BACH1: variants seen among roughly 807,000 people sequenced by gnomAD.
BACH1 encodes transcription regulator protein BACH1.
In BACH1, 35 loss-of-function variants were observed where a neutral mutation model predicts 52.9. The ratio of observed to expected loss-of-function variants is 0.66; its 90% CI spans 0.51 to 0.88. The LOEUF (loss-of-function observed/expected upper bound fraction) is 0.88. Ranked by LOEUF, BACH1 falls within the 40% of genes least tolerant of loss-of-function variation. The pLI is 0.00. For synonymous variants in BACH1, 321 were observed against 319.6 expected, an observed-to-expected ratio of 1.00 and a Z score of -0.05; for missense variants, 808 against 872.6, an observed-to-expected ratio of 0.93 and a Z score of 0.93.
At chr21:29,358,741 GAAAAA>G (rs1261919747) in intron 2 of BACH1, among the ~76,000 whole-genome samples, 5 of 77,582 alleles carry the variant, frequency 6.4e-5, no homozygotes, top group African/African-American at 2.4e-4. Flanking sequence ...CTCTGTCTCA[GAAAAA>G]AAGAAAAGAA....
chr21:29,341,655 C>A (rs549142520), intron 4 of BACH1, among the ~76,000 whole-genome samples: 1 of 152,136 alleles, frequency 6.6e-6, no homozygotes, highest in East Asian at 1.9e-4. Context: ...CACAAAATTA[C>A]CCCCCCGAAT....
chr21:29,312,878 A>G (rs1457443368), intron 1 of BACH1, among the ~76,000 whole-genome samples: 1 of 152,202 alleles, frequency 6.6e-6, no homozygotes, highest in Non-Finnish European at 1.5e-5. Context: ...GAATTCAACT[A>G]GCTCTTACAG....
chr21:29,332,719 T>A (rs915550614), intron 4 of BACH1, among the ~76,000 whole-genome samples: 14 of 152,216 alleles, frequency 9.2e-5, no homozygotes, highest in African/African-American at 3.1e-4. Flanking sequence ...CCTGAATAAT[T>A]TCACTCTCTC....
rs573436196 is a variant in BACH1 at position 29,357,426 on chromosome 21, G to C, written c.472+27733G>C. Among the ~76,000 whole-genome samples, 4 of 152,294 alleles carry C rather than the reference G, an allele frequency of 2.6e-5. No individual in the cohort carries two copies. In the East Asian group the frequency reaches 7.7e-4, roughly 29 times the overall value. ...TTCCCCATCCTCTGGGAGAAAAGTGGCAGGGTTGAGGGCCACGCATGTACA... is the reference window on the plus strand; with the variant it reads ...TTCCCCATCCTCTGGGAGAAAAGTGCCAGGGTTGAGGGCCACGCATGTACA... On this transcript the variant is annotated intron_variant, in intron 2 of 4. Coordinates refer to the BACH1 transcript ENST00000422809.
chr21:29,347,613 A>ATC (rs1264593652), downstream of BACH1, among the ~76,000 whole-genome samples: 12 of 152,204 alleles, frequency 7.9e-5, no homozygotes, highest in South Asian at 4.1e-4. Context: ...GGAGGAGAGC[A>ATC]TCTGTTCCAG....
chr21:29,355,712 A>G (rs2089229903), intron 2 of BACH1, among the ~76,000 whole-genome samples: 1 of 152,186 alleles, frequency 6.6e-6, no homozygotes, highest in African/African-American at 2.4e-5. Flanking sequence ...ATTCTAGAGG[A>G]AACAGATTTG....
chr21:29,323,255 T>C (rs2123439903), intron 2 of BACH1, among the ~76,000 whole-genome samples: 1 of 152,262 alleles, frequency 6.6e-6, no homozygotes, highest in South Asian at 2.1e-4. Flanking sequence ...GCTCACATGT[T>C]CACAAGGTGA....
In BACH1 at chr21:29,345,717, T is replaced by TG. The variant is rs1276736593; in HGVS notation, c.*2887dup. Reference sequence around the variant, plus strand: ...TGGACACTCAGTCACATTAACAACTTGGGAAAAAAATGGCAATGTTACGGT... The same window carrying TG: ...TGGACACTCAGTCACATTAACAACTTGGGGAAAAAAATGGCAATGTTACGGT... On this transcript the variant is annotated 3_prime_UTR_variant, in exon 5 of 5. Coordinates refer to ENST00000286800, the MANE Select transcript of BACH1 (RefSeq NM_001186.4). 2.6e-5 allele frequency: 4 copies of TG among 152,548 alleles called. No individual in the cohort carries two copies. The highest frequency in any genetic ancestry group is 5.9e-5 in the Non-Finnish European group (4 of 67,992). The allele number at this position is 152,548 out of a possible 1,614,324, so 9.4% of individuals were successfully genotyped here.
At chr21:29,332,176 C>T (rs1248133085) in intron 4 of BACH1, among the ~76,000 whole-genome samples, 3 of 152,104 alleles carry the variant, frequency 2.0e-5, no homozygotes, top group African/African-American at 4.8e-5. Context: ...CCTCGTGATC[C>T]GCCCGCCTCA....
intron 2 of BACH1, among the ~76,000 whole-genome samples, chr21:29,355,647 A>G (rs1041001586): frequency 6.6e-6 from 1 of 152,208 alleles, no homozygotes; most frequent in Non-Finnish European, 1.5e-5. Context: ...AGAAGTTGTT[A>G]GTTTAGCTCA....
chr21:29,316,484 C>T (rs2088788286), intron 1 of BACH1, among the ~76,000 whole-genome samples: 1 of 152,110 alleles, frequency 6.6e-6, no homozygotes, highest in Non-Finnish European at 1.5e-5. Context: ...AGGCGTAACA[C>T]AGGAGTCCAA....
chr21:29,310,796 C>T lies in BACH1; in HGVS notation c.-60-10425C>T, dbSNP rs947315707. On this transcript the variant is annotated intron_variant, in intron 1 of 4. Transcript: ENST00000286800. ...GTTGAGCTTCACTAAATGGTTTCCA[C>T]GGAGTGGAGGGGAAAAGGCTTGTTT... 8.5e-5 allele frequency among the ~76,000 whole-genome samples: 13 copies of T among 152,248 alleles called. No individual in the cohort carries two copies. The South Asian group carries it at 1.5e-3, about 17-fold the overall frequency.
Position 29,302,306 on chromosome 21 carries a change from C to T in BACH1, c.-61+3353C>T, listed in dbSNP as rs533600150. Among the ~76,000 whole-genome samples, 3 of 152,294 alleles carry T rather than the reference C, an allele frequency of 2.0e-5. No homozygotes were observed. The South Asian group carries it at 6.2e-4, about 32-fold the overall frequency. On this transcript the variant is annotated intron_variant, in intron 1 of 4. Coordinates refer to ENST00000286800, the MANE Select transcript of BACH1 (RefSeq NM_001186.4). The stretch of plus-strand genomic sequence containing the variant: ...GTGCAATTCGCCAGAATCCGTGCCC[C>T]TTGGAGGGAGTAAACATTTCAGGAC...
Position 29,344,111 on chromosome 21 carries a change from A to G in BACH1, c.*1278A>G, listed in dbSNP as rs2089144343. 6.6e-6 allele frequency: 1 copy of G among 152,260 alleles called. No homozygotes were observed. The highest frequency in any genetic ancestry group is 2.4e-5 in the African/African-American group (1 of 41,474). 9.4% of individuals were successfully genotyped at this position (152,260 alleles called of 1,614,324 possible). On this transcript the variant is annotated 3_prime_UTR_variant, in exon 5 of 5. Transcript: ENST00000286800. ...TAACATTTTGCGGTGGCTTTTAGCC[A>G]TGCTGGGGTTAGATGTGTTTGAGAG...
chr21:29,358,641 G>A (rs1475740709), intron 2 of BACH1, among the ~76,000 whole-genome samples: 1 of 152,062 alleles, frequency 6.6e-6, no homozygotes, highest in Non-Finnish European at 1.5e-5. Flanking sequence ...TGGGGAGGCT[G>A]AGGCAGGAGG....
At position 29,327,392 on chromosome 21, in the gene BACH1, A is replaced by T; in HGVS notation, c.1568A>T (p.Glu523Val). 6.2e-7 allele frequency: 1 copy of T among 1,610,774 alleles called. No homozygotes were observed. Among genetic ancestry groups the T allele is most frequent in the Non-Finnish European group, 8.5e-7 (1 of 1,178,132 alleles). Residue 523 changes from glutamate (E) to valine (V), a missense_variant and splice_region_variant, in exon 3 of 5, where the codon GAG becomes GTG. Glu to Val is a moderately radical substitution (Grantham distance 121). Coordinates refer to ENST00000286800, the MANE Select transcript of BACH1 (RefSeq NM_001186.4). ...TGTTCAGCCAGAGAACAAGAATGTG[A>T]GGTGAGCAGGAATATGTTCTTAATT... is the stretch of plus-strand genomic sequence containing the variant. ...ESCSAREQECEVKLPFNAQRI... is the reference protein window; with the variant it reads ...ESCSAREQECVVKLPFNAQRI...
chr21:29,322,546 T>C (rs569323590), intron 2 of BACH1, among the ~76,000 whole-genome samples: 144 of 152,270 alleles, frequency 9.5e-4, no homozygotes, highest in African/African-American at 3.3e-3. Context: ...ATCCCTTGCT[T>C]TAGTTAGTAA....
At position 29,321,410 on chromosome 21, in the gene BACH1, CG is replaced by C. The variant is rs1323599726; in HGVS notation, c.132del (p.Phe45SerfsTer20). On this transcript the variant is annotated frameshift_variant, in exon 2 of 5. Coordinates refer to ENST00000286800, the MANE Select transcript of BACH1 (RefSeq NM_001186.4). LOFTEE classifies it high-confidence loss of function. ...TGTCACCATCTTTGTGGAGGGACAG[CG>C]GTTCCGCGCTCACCGGTCCGTGCTG... ...CDVTIFVEGQRFRAHRSVLAA... is the reference protein window; with the variant it reads ...CDVTIFVEGQXFRAHRSVLAA... 6.2e-7 allele frequency: 1 copy of C among 1,614,070 alleles called. No homozygotes were observed. The highest frequency in any genetic ancestry group is 8.5e-7 in the Non-Finnish European group (1 of 1,180,048).
At chr21:29,311,671 A>T (rs542725386) in intron 1 of BACH1, among the ~76,000 whole-genome samples, 28 of 152,276 alleles carry the variant, frequency 1.8e-4, no homozygotes, top group Non-Finnish European at 3.8e-4. Context: ...TAATCTTATT[A>T]TTCCACTTCT....
Sources: allele counts gnomAD v4.1 joint callset (sites outside exome capture counted in the v4.1 genomes callset), GRCh38; gene constraint gnomAD v4.1.1; transcripts MANE v1.5; gene names NCBI Gene and HGNC (gene_info 2026-07-23, HGNC 2026-07-21).